C1orf105: variants seen among roughly 807,000 people sequenced by gnomAD.
C1orf105 encodes the protein chromosome 1 open reading frame 105.
In C1orf105, 17 loss-of-function variants were observed where a neutral mutation model predicts 20.8. The observed-to-expected ratio is 0.82, with a 90% CI of 0.56 to 1.23. C1orf105 has a LOEUF of 1.23. C1orf105 is among the 50% of genes most tolerant of loss of function. The pLI, the probability that C1orf105 is intolerant of heterozygous loss-of-function variation, is 0.00. For missense variants in C1orf105, 219 were observed against 213.5 expected (o/e 1.03, Z -0.16); for synonymous variants, 72 against 72.1 (o/e 1.00, Z 0.01).
chr1:172,456,423 G>T lies in C1orf105; in HGVS notation c.207G>T (p.Arg69Ser). Reference sequence around the variant, plus strand: ...TCTCTCTTTCCCCTCAGGCCAGGAGGAACCAGTGTGACTCCATGCTGCTCA... The same window carrying T: ...TCTCTCTTTCCCCTCAGGCCAGGAGTAACCAGTGTGACTCCATGCTGCTCA... ...QVPDVLSKARRNQCDSMLLRN... is the reference protein window; with the variant it reads ...QVPDVLSKARSNQCDSMLLRN... The change falls in exon 4 of 7, where the codon AGG (arginine) becomes AGT (serine). Residue 69 changes from arginine to serine, a missense_variant. Physicochemically the swap from Arg to Ser is moderately radical, Grantham distance 110 (BLOSUM62 -1). Coordinates refer to ENST00000367727, the MANE Select transcript of C1orf105 (RefSeq NM_139240.4). The T allele has an allele frequency of 6.2e-7, 1 of 1,612,990 alleles. No homozygotes were observed. The highest frequency in any genetic ancestry group is 8.5e-7 in the Non-Finnish European group (1 of 1,179,910).
At chr1:172,452,961 T>G in intron 3 of C1orf105, 2 of 1,545,354 alleles carry the variant, frequency 1.3e-6, no homozygotes, top group Non-Finnish European at 1.7e-6. Flanking sequence ...GAGAAGGGAA[T>G]GCAACAGAAG....
At chr1:172,467,118 C>T in intron 6 of C1orf105, among the ~76,000 whole-genome samples, 1 of 152,144 alleles carries the variant, frequency 6.6e-6, no homozygotes, top group Admixed American at 6.5e-5. Flanking sequence ...TTTGACTGAC[C>T]CAGGAAAACT....
At chr1:172,438,703 T>C (rs938487004) in intron 1 of C1orf105, among the ~76,000 whole-genome samples, 8 of 152,242 alleles carry the variant, frequency 5.3e-5, no homozygotes, top group African/African-American at 1.9e-4. Context: ...TTTTGAAAGA[T>C]GTTCTACTGT....
At chr1:172,457,667 C>T (rs924514744) in intron 4 of C1orf105, among the ~76,000 whole-genome samples, 11 of 152,232 alleles carry the variant, frequency 7.2e-5, no homozygotes, top group Non-Finnish European at 1.5e-4. Context: ...TGCACCAACC[C>T]CAGGCCTAAG....
chr1:172,468,488 C>G lies in C1orf105; in HGVS notation c.446C>G (p.Thr149Arg). The G allele has an allele frequency of 1.9e-6, 3 of 1,613,910 alleles. No individual in the cohort carries two copies. Among genetic ancestry groups the G allele is most frequent in the Non-Finnish European group, 2.5e-6 (3 of 1,179,812 alleles). The change falls in exon 7 of 7, where the codon ACA becomes AGA. Residue 149 changes from threonine to arginine, a missense_variant. Transcript: ENST00000367727. ...AGACTGCCCATTCTGGGCCCCAGGA[C>G]AGCTGTCTTCCACGGATTACTGACA... ...HYRLPILGPR[T>R]AVFHGLLTEA...
intron 1 of C1orf105, among the ~76,000 whole-genome samples, chr1:172,425,473 G>C (rs2071699198): frequency 6.6e-6 from 1 of 152,148 alleles, no homozygotes; most frequent in Non-Finnish European, 1.5e-5. Flanking sequence ...AAAAAGTATA[G>C]GCGTGGTCTA....
chr1:172,453,919 A>G (rs767477654), intron 3 of C1orf105, among the ~76,000 whole-genome samples: 2 of 152,216 alleles, frequency 1.3e-5, no homozygotes, highest in African/African-American at 2.4e-5. Flanking sequence ...TAAGCATTTC[A>G]TCCCTCAGAT....
chr1:172,428,741 T>C, intron 1 of C1orf105: 1 of 665,560 alleles, frequency 1.5e-6, no homozygotes, highest in Non-Finnish European at 2.7e-6. Flanking sequence ...TATCTCCTCC[T>C]GCTATAATGT....
intron 4 of C1orf105, among the ~76,000 whole-genome samples, chr1:172,458,820 TG>T (rs1649494322): frequency 6.6e-6 from 1 of 152,192 alleles, no homozygotes. Context: ...TGGTCAGGAC[TG>T]TGTGGTACTG....
rs778326712 is a variant in C1orf105, at chr1:172,468,544, C to T, written c.502C>T (p.Arg168Cys). 4.3e-6 allele frequency: 7 copies of T among 1,613,878 alleles called. No individual in the cohort carries two copies. The highest frequency in any genetic ancestry group is 4.0e-5 in the African/African-American group (3 of 74,898). Reference sequence around the variant, plus strand: ...CTACAAAACTCTAAAAGAGAGACAACGTTCTTCCTTGCCCAGAAAGGAACC... The same window carrying T: ...CTACAAAACTCTAAAAGAGAGACAATGTTCTTCCTTGCCCAGAAAGGAACC... ...EAYKTLKERQ[R>C]SSLPRKEPIG... The change falls in exon 7 of 7, where the codon CGT becomes TGT. Residue 168 changes from arginine (R) to cysteine (C), a missense_variant. Physicochemically the swap from Arg to Cys is radical, Grantham distance 180. Coordinates refer to ENST00000367727, the MANE Select transcript of C1orf105 (RefSeq NM_139240.4).
At chr1:172,424,059 G>T (rs767639376) in intron 1 of C1orf105, among the ~76,000 whole-genome samples, 36 of 152,196 alleles carry the variant, frequency 2.4e-4, no homozygotes, top group Non-Finnish European at 3.5e-4. Context: ...TAGGTGGCAG[G>T]CTATTGGATG....
intron 1 of C1orf105, chr1:172,443,796 G>C (rs959057390): frequency 4.2e-6 from 1 of 237,104 alleles, no homozygotes; most frequent in Non-Finnish European, 7.6e-6. Flanking sequence ...CCCGCCCGCA[G>C]AGTGGGGCTG....
intron 1 of C1orf105, among the ~76,000 whole-genome samples, chr1:172,422,206 A>AAGG (rs2071609965): frequency 2.6e-5 from 4 of 152,164 alleles, no homozygotes; most frequent in Non-Finnish European, 5.9e-5. Context: ...AACACAGCTT[A>AAGG]TGGCTCCAAA....
rs142617011 is a variant in C1orf105, at chr1:172,420,766, C to T, written c.-120C>T. The T allele has an allele frequency of 7.2e-4, 720 of 994,416 alleles. 1 individual carries two copies. In the Middle Eastern group the frequency reaches 0.013, roughly 18 times the overall value. The allele number at this position is 994,416 out of a possible 1,614,324, so 61.6% of individuals were successfully genotyped here. A position where few individuals can be genotyped will look rare whatever the true frequency, so the allele number is the denominator to read the frequency against. ...TAAACTGGCCTGTTTACTTCGTCTC[C>T]TAACAAAAAACACTTTGGATTCAGG... On this transcript the variant is annotated 5_prime_UTR_variant, in exon 1 of 7. Transcript: ENST00000367727.
At position 172,448,421 on chromosome 1, in the gene C1orf105, C is replaced by T; in HGVS notation, c.108-20C>T. The T allele has an allele frequency of 1.3e-6, 2 of 1,544,542 alleles. No homozygotes were observed. The highest frequency in any genetic ancestry group is 8.9e-7 in the Non-Finnish European group (1 of 1,119,848). On this transcript the variant is annotated intron_variant, in intron 2 of 6. Transcript: ENST00000367727. ...AACATGGGACTGCGGTTCTAACGTT[C>T]TCTTGTTTTAATTACTTAGATATCC...
intron 1 of C1orf105, among the ~76,000 whole-genome samples, chr1:172,431,539 G>A (rs537829925): frequency 6.6e-6 from 1 of 152,326 alleles, no homozygotes; most frequent in South Asian, 2.1e-4. Context: ...ACATAAAAGT[G>A]CACACTAAAG....
In C1orf105 at chr1:172,465,358, C is replaced by T. The variant is rs1283021726; in HGVS notation, c.401C>T (p.Pro134Leu). The change falls in exon 6 of 7, where the codon CCA (proline) becomes CTA (leucine). Residue 134 changes from proline (P) to leucine (L), a missense_variant. Physicochemically the swap from Pro to Leu is moderately conservative, Grantham distance 98 (BLOSUM62 -3). Transcript: ENST00000367727. ...TTPEPFHDDI[P>L]TESIHYRLPI... ...CCTGAGCCTTTCCATGATGACATCC[C>T]AACAGGTTTGCTTTCTTTTAGAGTA... The T allele has an allele frequency of 2.5e-6, 4 of 1,609,050 alleles. No homozygotes were observed. The highest frequency in any genetic ancestry group is 1.3e-5 in the African/African-American group (1 of 74,768).
chr1:172,441,672 T>C, intron 1 of C1orf105: 1 of 1,375,606 alleles, frequency 7.3e-7, no homozygotes, highest in Non-Finnish European at 9.9e-7. Context: ...TTAAGTTCTA[T>C]ACTAGTTAGG....
chr1:172,438,203 C>G (rs991787629), intron 1 of C1orf105, among the ~76,000 whole-genome samples: 1 of 152,184 alleles, frequency 6.6e-6, no homozygotes, highest in African/African-American at 2.4e-5. Context: ...AGCATCCATT[C>G]TGAAGTCCAT....
Sources: allele counts gnomAD v4.1 joint callset (sites outside exome capture counted in the v4.1 genomes callset), GRCh38; gene constraint gnomAD v4.1.1; transcripts MANE v1.5; gene names NCBI Gene and HGNC (gene_info 2026-07-23, HGNC 2026-07-21).